Variants in KIRREL3 observed in about 807,000 individuals in gnomAD.
KIRREL3 encodes kirre like nephrin family adhesion molecule 3, also known as kin of IRRE-like protein 3.
Under a neutral mutation model 89.7 loss-of-function variants are expected in KIRREL3, and 36 were observed. The ratio of observed to expected loss-of-function variants is 0.40; its 90% CI spans 0.31 to 0.53. The LOEUF (loss-of-function observed/expected upper bound fraction) is 0.53, where lower values mean the gene tolerates loss of function less well. Among genes scored for constraint, KIRREL3 ranks in the 20% least tolerant of loss-of-function variants. The pLI is 0.49. For synonymous variants in KIRREL3, 445 were observed against 441.4 expected, an observed-to-expected ratio of 1.01 and a Z score of -0.10; for missense variants, 864 against 1,056.6, an observed-to-expected ratio of 0.82 and a Z score of 2.53.
chr11:126,840,385 C>T (rs567239597), intron 1 of KIRREL3, among the ~76,000 whole-genome samples: 1 of 152,184 alleles, frequency 6.6e-6, no homozygotes, highest in East Asian at 1.9e-4. Context: ...CAGGCCACAT[C>T]TCCTTAGTCT....
At position 126,548,295 on chromosome 11, in the gene KIRREL3, G is replaced by A. The variant is rs761390617; in HGVS notation, c.133+14540C>T. ...GTATCTGCAGGCCCGACCATCCCGC[G>A]TCTTCAGGCCAACCTCCCATTGCCG... On this transcript the variant is annotated intron_variant, in intron 2 of 16. Coordinates refer to ENST00000525144, the MANE Select transcript of KIRREL3 (RefSeq NM_032531.4). Among the ~76,000 whole-genome samples the A allele has an allele frequency of 2.6e-5, 4 of 152,130 alleles. No individual in the cohort carries two copies. In the South Asian group the frequency reaches 6.2e-4, roughly 24 times the overall value.
At chr11:126,884,484 G>C (rs1164340865) in intron 1 of KIRREL3, among the ~76,000 whole-genome samples, 1 of 152,212 alleles carries the variant, frequency 6.6e-6, no homozygotes, top group Non-Finnish European at 1.5e-5. Flanking sequence ...TCTACAAAGC[G>C]TGACCGCCAG....
chr11:126,432,942 G>A lies in KIRREL3; in HGVS notation c.1589-1416C>T, dbSNP rs777508817. 1.3e-5 allele frequency among the ~76,000 whole-genome samples: 2 copies of A among 152,162 alleles called. No individual in the cohort carries two copies. Among genetic ancestry groups the A allele is most frequent in the Admixed American group, 6.5e-5 (1 of 15,286 alleles). ...CACCCAGGCTGGAGGGCAGTGGCAC[G>A]ATCTCAGTTCACTGCAACCTCCGCC... is the stretch of plus-strand genomic sequence containing the variant. On this transcript the variant is annotated intron_variant, in intron 13 of 16. Transcript: ENST00000525144. This position sits in a 1 kb window ranked among gnomAD's most constrained non-coding sequence, Gnocchi z 6.2.
chr11:126,910,495 T>C (rs571145800), intron 1 of KIRREL3, among the ~76,000 whole-genome samples: 9 of 152,342 alleles, frequency 5.9e-5, no homozygotes, highest in South Asian at 2.1e-4. Context: ...TTAGTGGGTA[T>C]TTCCAGTGAA....
At chr11:126,810,878 G>A (rs1309145456) in intron 1 of KIRREL3, among the ~76,000 whole-genome samples, 3 of 152,132 alleles carry the variant, frequency 2.0e-5, no homozygotes, top group African/African-American at 7.2e-5. Context: ...GAATATGATG[G>A]CTGTTCTGGA....
At chr11:126,838,397 A>C (rs919629577) in intron 1 of KIRREL3, among the ~76,000 whole-genome samples, 6 of 152,230 alleles carry the variant, frequency 3.9e-5, no homozygotes, top group Admixed American at 3.9e-4. Context: ...TAACATTTCT[A>C]ATAAATCATG....
At chr11:126,809,627 G>A (rs531066199) in intron 1 of KIRREL3, among the ~76,000 whole-genome samples, 4 of 152,260 alleles carry the variant, frequency 2.6e-5, no homozygotes, top group East Asian at 3.9e-4. Flanking sequence ...TAATTCAATC[G>A]CTGTATGCTA....
In KIRREL3 at chr11:126,601,476, CTCAA is replaced by C. The variant is rs1942652710; in HGVS notation, c.56-38568_56-38565del. 6.6e-6 allele frequency among the ~76,000 whole-genome samples: 1 copy of C among 152,234 alleles called. No individual in the cohort carries two copies. The highest frequency in any genetic ancestry group is 1.5e-5 in the Non-Finnish European group (1 of 68,050). On this transcript the variant is annotated intron_variant, in intron 1 of 16. Coordinates refer to ENST00000525144, the MANE Select transcript of KIRREL3 (RefSeq NM_032531.4). The surrounding 1 kb of genome is among the most constrained non-coding windows in gnomAD (Gnocchi z 5.8). ...ATACTCTAAAGATGAACTTCCCGTG[CTCAA>C]TCAAACGTTATTATCCCAATGTAAG...
At position 126,778,045 on chromosome 11, in the gene KIRREL3, G is replaced by GA. The variant is rs35604640; in HGVS notation, c.56-215134dup. 0.19 allele frequency among the ~76,000 whole-genome samples: 20,003 copies of GA among 103,096 alleles called. 1,807 individuals are homozygous for GA. The highest frequency in any genetic ancestry group is 0.27 in the Non-Finnish European group (13,709 of 50,492). The allele number at this position is 103,096 out of a possible 152,430, so 67.6% of individuals were successfully genotyped here. A position where few individuals can be genotyped will look rare whatever the true frequency, so the allele number is the denominator to read the frequency against. On this transcript the variant is annotated intron_variant, in intron 1 of 16. Coordinates refer to ENST00000525144, the MANE Select transcript of KIRREL3 (RefSeq NM_032531.4). This position sits in a 1 kb window ranked among gnomAD's most constrained non-coding sequence, Gnocchi z 4.5. ...ATATGAGAAATACATGCTCATTGTA[G>GA]AAAAAAAAAAAAAAAGAAAAACTAT...
rs1245206821 is a variant in KIRREL3, at chr11:126,876,708, T to C, written c.55+123747A>G. 1.3e-5 allele frequency among the ~76,000 whole-genome samples: 2 copies of C among 152,048 alleles called. No individual in the cohort carries two copies. Among genetic ancestry groups the C allele is most frequent in the African/African-American group, 4.8e-5 (2 of 41,396 alleles). ...ACCTGCCACCATGCCCAGCTAATTT[T>C]TTTGTATTTTTAGTAGAGATGGGGT... On this transcript the variant is annotated intron_variant, in intron 1 of 16. Transcript: ENST00000525144. This position sits in a 1 kb window ranked among gnomAD's most constrained non-coding sequence, Gnocchi z 4.1.
rs563831861 is a variant in KIRREL3 at position 126,424,958 on chromosome 11, G to T, written c.1959C>A (p.Ser653=). The change falls in exon 17 of 17, where the codon TCC becomes TCA. Residue 653 remains serine (S), a synonymous_variant. Transcript: ENST00000525144. ...FKEHHSTPTI[S]LSSCQPDLRP... Reference sequence around the variant, plus strand: ...GCAGGTCGGGCTGGCAGCTGGAGAGGGAGATGGTCGGGGTTGAGTGGTGCT... The same window carrying T: ...GCAGGTCGGGCTGGCAGCTGGAGAGTGAGATGGTCGGGGTTGAGTGGTGCT... 3.8e-6 allele frequency: 6 copies of T among 1,589,424 alleles called. No individual in the cohort carries two copies. In the South Asian group the frequency reaches 6.9e-5, roughly 18 times the overall value.
intron 2 of KIRREL3, among the ~76,000 whole-genome samples, chr11:126,538,186 C>A (rs1938067152): frequency 6.6e-6 from 1 of 152,248 alleles, no homozygotes; most frequent in African/African-American, 2.4e-5. Flanking sequence ...TCCGGGTTGG[C>A]TTCACAGCCT....
chr11:126,805,309 A>G lies in KIRREL3; in HGVS notation c.55+195146T>C, dbSNP rs1951170188. On this transcript the variant is annotated intron_variant, in intron 1 of 16. Coordinates refer to ENST00000525144, the MANE Select transcript of KIRREL3 (RefSeq NM_032531.4). This position sits in a 1 kb window ranked among gnomAD's most constrained non-coding sequence, Gnocchi z 4.3. ...AAGGTCAGGAGAAGGGCTGCCATTCATCAGTCAGCATTGATATGGAGAGGG... is the reference window on the plus strand; with the variant it reads ...AAGGTCAGGAGAAGGGCTGCCATTCGTCAGTCAGCATTGATATGGAGAGGG... 6.6e-6 allele frequency among the ~76,000 whole-genome samples: 1 copy of G among 152,206 alleles called. No individual in the cohort carries two copies. The highest frequency in any genetic ancestry group is 6.5e-5 in the Admixed American group (1 of 15,268).
rs1395057834 is a variant in KIRREL3 at position 126,978,839 on chromosome 11, C to T, written c.55+21616G>A. Among the ~76,000 whole-genome samples the T allele has an allele frequency of 1.3e-5, 2 of 152,156 alleles. No homozygotes were observed. The highest frequency in any genetic ancestry group is 4.8e-5 in the African/African-American group (2 of 41,448). Reference sequence around the variant, plus strand: ...CCCTGGGTCCCTACCTCTCTGCACCCGGGATGCTTATTCTCTTACCTGGCT... The same window carrying T: ...CCCTGGGTCCCTACCTCTCTGCACCTGGGATGCTTATTCTCTTACCTGGCT... On this transcript the variant is annotated intron_variant, in intron 1 of 16. Transcript: ENST00000525144. This position sits in a 1 kb window ranked among gnomAD's most constrained non-coding sequence, Gnocchi z 4.2.
intron 4 of KIRREL3, 124 bp from the exon 5 acceptor site, chr11:126,473,590 C>T (rs150118093): frequency 1.5e-4 from 122 of 787,394 alleles, no homozygotes; most frequent in Middle Eastern, 1.5e-3. Flanking sequence ...TAAAACGCAT[C>T]GTCCGCTTGT....
Position 126,655,376 on chromosome 11 carries a change from G to T in KIRREL3, c.56-92464C>A, listed in dbSNP as rs1945088961. On this transcript the variant is annotated intron_variant, in intron 1 of 16. Coordinates refer to ENST00000525144, the MANE Select transcript of KIRREL3 (RefSeq NM_032531.4). This position sits in a 1 kb window ranked among gnomAD's most constrained non-coding sequence, Gnocchi z 5.0. ...AACTGCCTGAATCCTCGGTGGGTTT[G>T]CACAGCTCTCTGCTCTGACAAATGC... Among the ~76,000 whole-genome samples the T allele has an allele frequency of 6.6e-6, 1 of 152,168 alleles. No homozygotes were observed. Among genetic ancestry groups the T allele is most frequent in the African/African-American group, 2.4e-5 (1 of 41,442 alleles).
rs996730310 is a variant in KIRREL3 at position 126,978,572 on chromosome 11, G to A, written c.55+21883C>T. ...TGCATTCAGCCACTGATGCTCCTTG[G>A]TTCTGGCCACGCCCAGCTCCGTGTG... On this transcript the variant is annotated intron_variant, in intron 1 of 16. Transcript: ENST00000525144. This position sits in a 1 kb window ranked among gnomAD's most constrained non-coding sequence, Gnocchi z 4.2. 6.6e-6 allele frequency among the ~76,000 whole-genome samples: 1 copy of A among 152,140 alleles called. No homozygotes were observed. The highest frequency in any genetic ancestry group is 1.5e-5 in the Non-Finnish European group (1 of 68,028).
At chr11:126,701,592 C>G (rs1947315132) in intron 1 of KIRREL3, among the ~76,000 whole-genome samples, 1 of 152,046 alleles carries the variant, frequency 6.6e-6, no homozygotes, top group Admixed American at 6.6e-5. Flanking sequence ...TTCTGTTCTG[C>G]TTAGAAACTC....
chr11:126,445,133 A>G (rs1439019362), intron 9 of KIRREL3, 28 bp from the exon 10 acceptor site: 1 of 1,611,650 alleles, frequency 6.2e-7, no homozygotes, highest in African/African-American at 1.3e-5. Context: ...CTCAGATGCC[A>G]AGAGCAGGCG....
Sources: allele counts gnomAD v4.1 joint callset (sites outside exome capture counted in the v4.1 genomes callset), GRCh38; gene constraint gnomAD v4.1.1; non-coding constraint Gnocchi (gnomAD v3.1); transcripts MANE v1.5; gene names NCBI Gene and HGNC (gene_info 2026-07-23, HGNC 2026-07-21).